Variants in HAT1 observed in about 807,000 individuals in gnomAD.
The protein encoded by HAT1 is histone acetyltransferase 1.
HAT1 carries 20 observed loss-of-function variants against 56.6 expected under a neutral mutation model. The ratio of observed to expected loss-of-function variants is 0.35; its 90% confidence interval spans 0.25 to 0.51. HAT1 has a LOEUF of 0.51. HAT1 is among the 20% of genes least tolerant of loss of function. The pLI is 0.95. For synonymous variants in HAT1, 146 were observed against 165.5 expected, an observed-to-expected ratio of 0.88 and a Z score of 0.91; for missense variants, 408 against 504.3, an observed-to-expected ratio of 0.81 and a Z score of 1.83.
At chr2:171,962,901 A>T (rs1687606717) in intron 4 of HAT1, among the ~76,000 whole-genome samples, 1 of 152,154 alleles carries the variant, frequency 6.6e-6, no homozygotes. Context: ...GTTCATTTTT[A>T]ACTCTATTCA....
In HAT1 at chr2:171,946,772, C is replaced by A; in HGVS notation, c.177C>A (p.Leu59=). ...RTFFPEYTHQ[L]FGDDETAFGY... ...TCTTTCCTGAGTATACCCATCAACT[C>A]TTTGGGGATGAGTAAGTAACTTAGT... Residue 59 remains leucine (L), a synonymous_variant, in exon 3 of 11, where the codon CTC becomes CTA. Coordinates refer to ENST00000264108, the MANE Select transcript of HAT1 (RefSeq NM_003642.4). 1 of 1,496,554 alleles carries A rather than the reference C, an allele frequency of 6.7e-7. No individual in the cohort carries two copies. Among genetic ancestry groups the A allele is most frequent in the Non-Finnish European group, 9.2e-7 (1 of 1,086,948 alleles). 92.7% of individuals were successfully genotyped at this position (1,496,554 alleles called of 1,614,324 possible). A position where few individuals can be genotyped will look rare whatever the true frequency, so the allele number is the denominator to read the frequency against.
At chr2:171,940,571 C>A (rs1017453105) in intron 2 of HAT1, among the ~76,000 whole-genome samples, 7 of 152,228 alleles carry the variant, frequency 4.6e-5, no homozygotes, top group African/African-American at 1.7e-4. Context: ...AAGAATGGAG[C>A]TCTCAGTGCA....
chr2:171,955,780 C>T (rs1394751190), intron 4 of HAT1, among the ~76,000 whole-genome samples: 2 of 152,120 alleles, frequency 1.3e-5, no homozygotes, highest in East Asian at 1.9e-4. Context: ...TGCGTTGGCT[C>T]ATGCCTATAA....
At chr2:171,941,224 T>G (rs1016638539) in intron 2 of HAT1, among the ~76,000 whole-genome samples, 2 of 152,152 alleles carry the variant, frequency 1.3e-5, no homozygotes, top group Non-Finnish European at 2.9e-5. Context: ...GTTGTTTTGT[T>G]TTTTTTGAGA....
intron 10 of HAT1, 77 bp from the exon 11 acceptor site, chr2:171,983,108 T>C (rs1472866874): frequency 1.2e-6 from 1 of 826,134 alleles, no homozygotes; most frequent in Middle Eastern, 2.5e-4. Context: ...ATTTTTAACA[T>C]TGGAGACTTA....
chr2:171,958,533 C>T (rs900724349), intron 4 of HAT1, among the ~76,000 whole-genome samples: 1 of 152,040 alleles, frequency 6.6e-6, no homozygotes, highest in Non-Finnish European at 1.5e-5. Context: ...AGCAATCTTC[C>T]CACCTTGGCC....
chr2:171,925,465 T>C (rs893562853), intron 1 of HAT1, 72 bp from the exon 2 acceptor site: 13 of 745,090 alleles, frequency 1.7e-5, no homozygotes, highest in Middle Eastern at 2.4e-4. Flanking sequence ...ATTCCACTTA[T>C]AATAACCCTA....
chr2:171,970,868 A>C (rs1687798809), intron 8 of HAT1, among the ~76,000 whole-genome samples: 2 of 151,450 alleles, frequency 1.3e-5, no homozygotes, highest in Admixed American at 1.3e-4. Flanking sequence ...GACTTGGAAA[A>C]ACTGACATTG....
chr2:171,928,816 C>G (rs1338112700), intron 2 of HAT1, among the ~76,000 whole-genome samples: 1 of 152,142 alleles, frequency 6.6e-6, no homozygotes, highest in African/African-American at 2.4e-5. Flanking sequence ...CAGTTCATTC[C>G]TTTTTATTGC....
chr2:171,944,523 CT>C (rs912232939), intron 2 of HAT1, among the ~76,000 whole-genome samples: 2 of 152,156 alleles, frequency 1.3e-5, no homozygotes, highest in Admixed American at 6.6e-5. Flanking sequence ...TACACATGGA[CT>C]TTTTTTCCTA....
At chr2:171,930,862 G>C (rs892337235) in intron 2 of HAT1, among the ~76,000 whole-genome samples, 7 of 151,390 alleles carry the variant, frequency 4.6e-5, no homozygotes, top group Non-Finnish European at 1.0e-4. Flanking sequence ...CAATCCTCTT[G>C]CCTCAGCTTC....
chr2:171,923,754 C>A (rs1558959130), intron 1 of HAT1: 1 of 152,160 alleles, frequency 6.6e-6, no homozygotes, highest in Admixed American at 6.5e-5. Flanking sequence ...AGAGGGAGGA[C>A]GTACTCTAAG....
intron 2 of HAT1, among the ~76,000 whole-genome samples, chr2:171,935,190 G>A (rs1007515430): frequency 2.6e-5 from 4 of 151,974 alleles, no homozygotes; most frequent in Non-Finnish European, 5.9e-5. Flanking sequence ...AGGATATGAA[G>A]TAGAAGAGGG....
At chr2:171,975,867 A>T (rs962791634) in intron 8 of HAT1, among the ~76,000 whole-genome samples, 3 of 150,552 alleles carry the variant, frequency 2.0e-5, no homozygotes, top group Admixed American at 1.3e-4. Context: ...CTACTCTATT[A>T]TTATTATTGC....
intron 4 of HAT1, among the ~76,000 whole-genome samples, chr2:171,961,105 G>C (rs1687562751): frequency 6.6e-6 from 1 of 152,140 alleles, no homozygotes; most frequent in African/African-American, 2.4e-5. Context: ...TCGCGCCACT[G>C]TACTCCAGCT....
rs112452570 is a variant in HAT1, at chr2:171,954,515, G to A, written c.309+1514G>A. Among the ~76,000 whole-genome samples the A allele has an allele frequency of 5.5e-3, 840 of 152,106 alleles. 3 individuals carry two copies. The highest frequency in any genetic ancestry group is 0.027 in the Middle Eastern group (8 of 294). ...AGCCTGGCCAACATGGCAAAACCCC[G>A]TCTCTACTAAAAATACAAAAATTAG... is the stretch of plus-strand genomic sequence containing the variant. On this transcript the variant is annotated intron_variant, in intron 4 of 10. Coordinates refer to ENST00000264108, the MANE Select transcript of HAT1 (RefSeq NM_003642.4).
intron 8 of HAT1, among the ~76,000 whole-genome samples, chr2:171,975,092 T>C (rs1319542010): frequency 1.5e-4 from 23 of 151,196 alleles, no homozygotes; most frequent in Non-Finnish European, 3.0e-5. Context: ...GTGTTTCCTC[T>C]ATTTTCTTTC....
chr2:171,977,545 ATATATATATATATTTTTTTTT>A (rs1223207654), intron 9 of HAT1, among the ~76,000 whole-genome samples: 1 of 14,062 alleles, frequency 7.1e-5, no homozygotes, highest in Admixed American at 1.2e-3. Context: ...ATATATATAT[ATATATATATATATTTTTTTTT>A]TTTTTTTTTT....
chr2:171,945,416 T>C (rs1358179662), intron 2 of HAT1, among the ~76,000 whole-genome samples: 1 of 151,854 alleles, frequency 6.6e-6, no homozygotes, highest in East Asian at 1.9e-4. Context: ...CTACAAGCTA[T>C]GGGTATATAA....
Sources: allele counts gnomAD v4.1 joint callset (sites outside exome capture counted in the v4.1 genomes callset), GRCh38; gene constraint gnomAD v4.1.1; transcripts MANE v1.5; gene names NCBI Gene and HGNC (gene_info 2026-07-23, HGNC 2026-07-21).